The following SEPTIN2 variants were observed in gnomAD, a reference collection of about 807,000 sequenced individuals.
The protein encoded by SEPTIN2 is septin 2.
Under a neutral mutation model 46.5 loss-of-function variants are expected in SEPTIN2, and 34 were observed. That is an observed-to-expected ratio of 0.73 (90% confidence interval 0.56 to 0.97). The LOEUF (loss-of-function observed/expected upper bound fraction) is 0.97, where lower values mean the gene tolerates loss of function less well. Ranked by LOEUF, SEPTIN2 falls within the 50% of genes least tolerant of loss-of-function variation. The pLI is 0.00. For missense variants in SEPTIN2, 347 were observed against 448.4 expected, an observed-to-expected ratio of 0.77 and a Z score of 2.04; for synonymous variants, 175 against 153.4, an observed-to-expected ratio of 1.14 and a Z score of -1.04.
In SEPTIN2 at chr2:241,350,287, C is replaced by G. The variant is rs966541849; in HGVS notation, c.*29+84C>G. The G allele has an allele frequency of 4.3e-6, 3 of 703,318 alleles. No homozygotes were observed. The African/African-American group carries it at 5.6e-5, about 13-fold the overall frequency. 43.6% of individuals were successfully genotyped at this position (703,318 alleles called of 1,614,324 possible). A position where few individuals can be genotyped will look rare whatever the true frequency, so the allele number is the denominator to read the frequency against. ...AAATATGACAGGTTCCTCCTTAAGCCTCATTAATATTTTGCATTTTGAAGT... is the reference window on the plus strand; with the variant it reads ...AAATATGACAGGTTCCTCCTTAAGCGTCATTAATATTTTGCATTTTGAAGT... On this transcript the variant is annotated intron_variant, in intron 12 of 12. Coordinates refer to ENST00000391971, the MANE Select transcript of SEPTIN2 (RefSeq NM_004404.5).
chr2:241,343,696 A>G, intron 8 of SEPTIN2, 56 bp from the exon 9 acceptor site: 1 of 1,601,842 alleles, frequency 6.2e-7, no homozygotes, highest in Non-Finnish European at 8.5e-7. Context: ...TCGTGTTGCC[A>G]GTGAACTCTG....
intron 3 of SEPTIN2, among the ~76,000 whole-genome samples, chr2:241,329,950 C>T (rs2078712897): frequency 6.6e-6 from 1 of 152,222 alleles, no homozygotes; most frequent in Admixed American, 6.5e-5. Context: ...GAGCTAAGAA[C>T]ATAAAGTACT....
chr2:241,340,776 C>T (rs1343972823), intron 7 of SEPTIN2, among the ~76,000 whole-genome samples: 1 of 152,184 alleles, frequency 6.6e-6, no homozygotes, highest in Non-Finnish European at 1.5e-5. Context: ...TTAATCACTT[C>T]TCTTCCTCCA....
At chr2:241,335,825 C>G (rs748251437) in intron 4 of SEPTIN2, 150 bp from the exon 5 acceptor site, 12 of 951,180 alleles carry the variant, frequency 1.3e-5, no homozygotes, top group Non-Finnish European at 1.8e-5. Context: ...TCTGACTTCT[C>G]TGGGATCTTT....
chr2:241,318,829 C>T (rs1251003110), intron 1 of SEPTIN2, among the ~76,000 whole-genome samples: 2 of 151,728 alleles, frequency 1.3e-5, no homozygotes, highest in Admixed American at 1.3e-4. Context: ...TCCTGGGTAG[C>T]TGGGATTACA....
chr2:241,349,097 C>T (rs2150211898), intron 11 of SEPTIN2, among the ~76,000 whole-genome samples: 1 of 152,252 alleles, frequency 6.6e-6, no homozygotes, highest in East Asian at 1.9e-4. Context: ...CTGTGGGTTA[C>T]ACTTATAGTC....
At position 241,353,362 on chromosome 2, in the gene SEPTIN2, C is replaced by G. The variant is rs1265922823; in HGVS notation, c.*1425C>G. 6.6e-6 allele frequency: 1 copy of G among 152,122 alleles called. No individual in the cohort carries two copies. The highest frequency in any genetic ancestry group is 1.5e-5 in the Non-Finnish European group (1 of 68,020). 9.4% of individuals were successfully genotyped at this position (152,122 alleles called of 1,614,324 possible). ...GCGGTTGCCTTTTTTATCATTTCTA[C>G]TGAAGTTGGGAAATTCAACCCCAGA... On this transcript the variant is annotated 3_prime_UTR_variant, in exon 13 of 13. Coordinates refer to ENST00000391971, the MANE Select transcript of SEPTIN2 (RefSeq NM_004404.5).
chr2:241,326,747 A>C (rs1389448322), intron 3 of SEPTIN2, among the ~76,000 whole-genome samples: 1 of 152,228 alleles, frequency 6.6e-6, no homozygotes, highest in South Asian at 2.1e-4. Flanking sequence ...AAGCCCACCA[A>C]GTAAGGAACC....
intron 12 of SEPTIN2, 43 bp downstream of exon 12, chr2:241,350,246 A>C: frequency 8.6e-7 from 1 of 1,167,258 alleles, no homozygotes; most frequent in Non-Finnish European, 1.2e-6. Context: ...GGCAGTTACT[A>C]ACATTGTGTC....
At chr2:241,317,475 G>C (rs2076523583) in intron 1 of SEPTIN2, 2 of 913,556 alleles carry the variant, frequency 2.2e-6, no homozygotes, top group Non-Finnish European at 2.6e-6. Flanking sequence ...GTAATTCAGG[G>C]CCCCTTTTTA....
chr2:241,342,998 G>A lies in SEPTIN2; in HGVS notation c.601G>A (p.Asp201Asn), dbSNP rs1195249610. Residue 201 changes from aspartate to asparagine, a missense_variant, in exon 8 of 13, where the codon GAT becomes AAT. Coordinates refer to ENST00000391971, the MANE Select transcript of SEPTIN2 (RefSeq NM_004404.5). Reference protein sequence around the residue: ...ERERLKKRILDEIEEHNIKIY... With the variant: ...ERERLKKRILNEIEEHNIKIY... ...GGTTTTGTCATTCTCTCAGATTCTG[G>A]ATGAAATTGAAGAACATAACATCAA... 1 of 1,587,170 alleles carries A rather than the reference G, an allele frequency of 6.3e-7. No individual in the cohort carries two copies. Among genetic ancestry groups the A allele is most frequent in the Non-Finnish European group, 8.6e-7 (1 of 1,158,404 alleles).
chr2:241,342,545 T>TG (rs2081396200), intron 7 of SEPTIN2, among the ~76,000 whole-genome samples: 2 of 142,530 alleles, frequency 1.4e-5, no homozygotes, highest in Admixed American at 7.1e-5. Context: ...TTTTTTTTTT[T>TG]TTTTTTTTTT....
rs909022891 is a variant in SEPTIN2, at chr2:241,333,182, C to T, written c.131-1944C>T. Reference sequence around the variant, plus strand: ...AGTGAAAAGTAAAACTAGAAAGCCACAAGAATCCTCAACTTTTAAATTGTA... The same window carrying T: ...AGTGAAAAGTAAAACTAGAAAGCCATAAGAATCCTCAACTTTTAAATTGTA... On this transcript the variant is annotated intron_variant, in intron 3 of 12. Coordinates refer to ENST00000391971, the MANE Select transcript of SEPTIN2 (RefSeq NM_004404.5). Among the ~76,000 whole-genome samples, 23 of 152,052 alleles carry T rather than the reference C, an allele frequency of 1.5e-4. 1 individual carries two copies. Among genetic ancestry groups the T allele is most frequent in the Non-Finnish European group, 2.9e-5 (2 of 68,012 alleles).
chr2:241,347,655 A>G (rs2060382233), intron 10 of SEPTIN2, among the ~76,000 whole-genome samples: 1 of 152,202 alleles, frequency 6.6e-6, no homozygotes, highest in Non-Finnish European at 1.5e-5. Flanking sequence ...AAGTCTCTTG[A>G]ATGTTCCATT....
intron 7 of SEPTIN2, among the ~76,000 whole-genome samples, chr2:241,338,730 A>G (rs1559642299): frequency 9.7e-6 from 1 of 103,302 alleles, no homozygotes; most frequent in African/African-American, 3.7e-5. Flanking sequence ...TATATTATAT[A>G]TATTATATTA....
chr2:241,335,434 TTGTC>T (rs2079789319), intron 4 of SEPTIN2: 12 of 1,278,224 alleles, frequency 9.4e-6, no homozygotes, highest in Non-Finnish European at 1.2e-5. Context: ...TCTCTTGAGT[TTGTC>T]TGTAAAATGT....
In SEPTIN2 at chr2:241,343,187, G is replaced by C. The variant is rs539653389; in HGVS notation, c.696+94G>C. The stretch of plus-strand genomic sequence containing the variant: ...AGATTGCCTGGGTATGTTCAGTTAC[G>C]AGAGTATTTTTGCTTTCAATATATT... On this transcript the variant is annotated intron_variant, in intron 8 of 12. Coordinates refer to ENST00000391971, the MANE Select transcript of SEPTIN2 (RefSeq NM_004404.5). 12 of 754,834 alleles carry C rather than the reference G, an allele frequency of 1.6e-5. No individual in the cohort carries two copies. The African/African-American group carries it at 1.9e-4, about 12-fold the overall frequency. 46.8% of individuals were successfully genotyped at this position (754,834 alleles called of 1,614,324 possible).
intron 9 of SEPTIN2, 41 bp downstream of exon 9, chr2:241,343,938 G>A: frequency 6.2e-7 from 1 of 1,609,690 alleles, no homozygotes; most frequent in South Asian, 1.1e-5. Flanking sequence ...AATTTGGCGT[G>A]AAGAATATGG....
chr2:241,345,938 C>T (rs775510537), intron 9 of SEPTIN2, among the ~76,000 whole-genome samples: 1 of 152,168 alleles, frequency 6.6e-6, no homozygotes, highest in Non-Finnish European at 1.5e-5. Flanking sequence ...GAGACTCAGT[C>T]GAGACCTGTG....
Sources: allele counts gnomAD v4.1 joint callset (sites outside exome capture counted in the v4.1 genomes callset), GRCh38; gene constraint gnomAD v4.1.1; transcripts MANE v1.5; gene names NCBI Gene and HGNC (gene_info 2026-07-23, HGNC 2026-07-21).